Variants in MTF1 observed in about 807,000 individuals in gnomAD.
The protein encoded by MTF1 is metal regulatory transcription factor 1.
MTF1 carries 22 observed loss-of-function variants against 70.4 expected under a neutral mutation model. The ratio of observed to expected loss-of-function variants is 0.31; its 90% CI spans 0.22 to 0.45. MTF1 has a LOEUF of 0.45. Among genes scored for constraint, MTF1 ranks in the 20% least tolerant of loss-of-function variants. The probability of loss-of-function intolerance (pLI) is 1.00; values close to 1 mark genes in which losing one functional copy is unlikely to be tolerated. For synonymous variants in MTF1, 333 were observed against 352.8 expected, an observed-to-expected ratio of 0.94 and a Z score of 0.63; for missense variants, 649 against 922.0, an observed-to-expected ratio of 0.70 and a Z score of 3.83.
intron 2 of MTF1, among the ~76,000 whole-genome samples, chr1:37,855,405 G>C (rs941508186): frequency 1.3e-5 from 2 of 152,168 alleles, no homozygotes; most frequent in African/African-American, 4.8e-5. Context: ...ATGTCTTCAA[G>C]CAGAAACAAG....
chr1:37,852,808 T>G (rs2148422540), intron 2 of MTF1, among the ~76,000 whole-genome samples: 1 of 152,210 alleles, frequency 6.6e-6, no homozygotes, highest in Middle Eastern at 3.4e-3. Flanking sequence ...TTTTTGTATT[T>G]TTAGTAGAGA....
Position 37,814,912 on chromosome 1 carries a change from A to G in MTF1, c.*224T>C. ...CAGTGCAGCCAAACAGTTCACTTAT[A>G]ACTTAGCTTTTTTTGTTGTTTTTTT... On this transcript the variant is annotated 3_prime_UTR_variant, in exon 11 of 11. Transcript: ENST00000373036. The G allele has an allele frequency of 1.9e-6, 1 of 533,188 alleles. No homozygotes were observed. The highest frequency in any genetic ancestry group is 3.3e-6 in the Non-Finnish European group (1 of 301,052). The allele number at this position is 533,188 out of a possible 1,614,324, so 33.0% of individuals were successfully genotyped here.
Position 37,822,490 on chromosome 1 carries a change from T to C in MTF1, c.1398A>G (p.Gln466=), listed in dbSNP as rs1192414176. 2 of 1,613,654 alleles carry C rather than the reference T, an allele frequency of 1.2e-6. No individual in the cohort carries two copies. The highest frequency in any genetic ancestry group is 1.7e-6 in the Non-Finnish European group (2 of 1,179,954). ...TGTGGGGAACAGGCACTTCTGGAGG[T>C]TGTAAGAGAGCAGGGGGGTTGCCAA... ...AAFGNPPALL[Q]PPEVPVPHST... is the part of the protein sequence containing the mutation. The change falls in exon 9 of 11, where the codon CAA becomes CAG. Residue 466 remains glutamine, a synonymous_variant. Coordinates refer to ENST00000373036, the MANE Select transcript of MTF1 (RefSeq NM_005955.3).
chr1:37,812,370 C>G lies in MTF1; in HGVS notation c.*2766G>C, dbSNP rs1316137993. The G allele has an allele frequency of 1.3e-5, 2 of 152,282 alleles. No homozygotes were observed. The highest frequency in any genetic ancestry group is 4.8e-5 in the African/African-American group (2 of 41,450). The allele number at this position is 152,282 out of a possible 1,614,324, so 9.4% of individuals were successfully genotyped here. A position where few individuals can be genotyped will look rare whatever the true frequency, so the allele number is the denominator to read the frequency against. On this transcript the variant is annotated 3_prime_UTR_variant, in exon 11 of 11. Coordinates refer to ENST00000373036, the MANE Select transcript of MTF1 (RefSeq NM_005955.3). ...AAGACTGCCTATCCTGGGAAATAAA[C>G]CTGATCTTCACAACCACTCACTGGC...
intron 2 of MTF1, among the ~76,000 whole-genome samples, chr1:37,842,234 C>T (rs75933803): frequency 0.041 from 6,245 of 152,016 alleles, 166 homozygotes; most frequent in Admixed American, 0.066. Flanking sequence ...CACCACTAGA[C>T]TCCAGCCTAG....
In MTF1 at chr1:37,817,463, T is replaced by G; in HGVS notation, c.1787A>C (p.Glu596Ala). ...QEQIQQASKV[E>A]KVFFTTAVPV... Reference sequence around the variant, plus strand: ...TACTGCAGTGGTAAAAAACACCTTCTCAACTTTAGATGCTTGCTGCTGAAA... The same window carrying G: ...TACTGCAGTGGTAAAAAACACCTTCGCAACTTTAGATGCTTGCTGCTGAAA... The change falls in exon 10 of 11, where the codon GAG becomes GCG. Residue 596 changes from glutamate (E) to alanine (A), a missense_variant. By Grantham distance (107) the Glu-to-Ala change is moderately radical (BLOSUM62 -1). Coordinates refer to ENST00000373036, the MANE Select transcript of MTF1 (RefSeq NM_005955.3). 1 of 1,612,312 alleles carries G rather than the reference T, an allele frequency of 6.2e-7. No individual in the cohort carries two copies. Among genetic ancestry groups the G allele is most frequent in the Non-Finnish European group, 8.5e-7 (1 of 1,178,352 alleles).
At position 37,822,403 on chromosome 1, in the gene MTF1, A is replaced by G. The variant is rs1640924053; in HGVS notation, c.1485T>C (p.Ile495=). ...CAGCAACAACAGAAAGTCCTGGTAC[A>G]ATGGGCTGCGGTGCCTGGGGGTGCG... ...FLPHPQAPQP[I]VPGLSVVAGA... is the part of the protein sequence containing the mutation. Residue 495 remains isoleucine, a synonymous_variant, in exon 9 of 11, where the codon ATT becomes ATC. Transcript: ENST00000373036. The G allele has an allele frequency of 2.5e-6, 4 of 1,614,166 alleles. No individual in the cohort carries two copies. The highest frequency in any genetic ancestry group is 3.4e-6 in the Non-Finnish European group (4 of 1,180,028).
chr1:37,855,665 T>C (rs548197432), intron 2 of MTF1, among the ~76,000 whole-genome samples: 10 of 152,276 alleles, frequency 6.6e-5, no homozygotes, highest in African/African-American at 2.4e-4. Context: ...CCTGTAATAG[T>C]TCCTGGATGG....
rs762016303 is a variant in MTF1, at chr1:37,822,679, T to A, written c.1209A>T (p.Ser403=). ...LTESFNGDAE[S]VSDVPPSTGN... ...CTGTGGATGGCGGAACATCACTGAC[T>A]GACTCTGCATCACCATTAAAACTTT... The change falls in exon 9 of 11, where the codon TCA becomes TCT. Residue 403 remains serine (S), a synonymous_variant. Transcript: ENST00000373036. The A allele has an allele frequency of 6.2e-7, 1 of 1,613,352 alleles. No individual in the cohort carries two copies. Among genetic ancestry groups the A allele is most frequent in the Non-Finnish European group, 8.5e-7 (1 of 1,179,848 alleles).
At chr1:37,828,002 TG>T in intron 7 of MTF1, among the ~76,000 whole-genome samples, 1 of 152,164 alleles carries the variant, frequency 6.6e-6, no homozygotes, top group Non-Finnish European at 1.5e-5. Flanking sequence ...GAACAAATAT[TG>T]GTATATTCAT....
Position 37,814,930 on chromosome 1 carries a change from G to GTT in MTF1, c.*204_*205dup, listed in dbSNP as rs572286933. On this transcript the variant is annotated 3_prime_UTR_variant, in exon 11 of 11. Transcript: ENST00000373036. ...CACTTATAACTTAGCTTTTTTTGTT[G>GTT]TTTTTTTTGTTTTTTGTTTTTTTCC... is the stretch of plus-strand genomic sequence containing the variant. The GTT allele has an allele frequency of 1.8e-6, 1 of 553,918 alleles. No individual in the cohort carries two copies. Among genetic ancestry groups the GTT allele is most frequent in the Admixed American group, 3.3e-5 (1 of 29,954 alleles). 34.3% of individuals were successfully genotyped at this position (553,918 alleles called of 1,614,324 possible).
chr1:37,837,555 G>A (rs1641188710), intron 4 of MTF1, among the ~76,000 whole-genome samples: 1 of 151,264 alleles, frequency 6.6e-6, no homozygotes, highest in African/African-American at 2.4e-5. Context: ...ATCTAGGCTG[G>A]AGTGCAATGG....
chr1:37,836,003 T>C (rs1469150793), intron 4 of MTF1, among the ~76,000 whole-genome samples: 1 of 152,146 alleles, frequency 6.6e-6, no homozygotes, highest in Non-Finnish European at 1.5e-5. Context: ...GGTTTCACCA[T>C]GTTAGCCAGG....
chr1:37,857,199 G>T lies in MTF1; in HGVS notation c.408+52C>A, dbSNP rs903761325. ...AGCTAAAATTTGCACCAAGAATTTT[G>T]TAAGGACTTGCCCCAAAACCAAACT... On this transcript the variant is annotated intron_variant, in intron 2 of 10. Coordinates refer to ENST00000373036, the MANE Select transcript of MTF1 (RefSeq NM_005955.3). 4 of 1,557,896 alleles carry T rather than the reference G, an allele frequency of 2.6e-6. No individual in the cohort carries two copies. In the East Asian group the frequency reaches 6.8e-5, roughly 26 times the overall value.
At chr1:37,827,669 G>T (rs568247391) in intron 7 of MTF1, among the ~76,000 whole-genome samples, 1 of 152,102 alleles carries the variant, frequency 6.6e-6, no homozygotes, top group Non-Finnish European at 1.5e-5. Flanking sequence ...GCCTCCCAAA[G>T]TGCTGGGATT....
At chr1:37,820,000 C>CATGTT in intron 9 of MTF1, among the ~76,000 whole-genome samples, 1 of 137,648 alleles carries the variant, frequency 7.3e-6, no homozygotes, top group South Asian at 2.3e-4. Context: ...AAGTGAGACC[C>CATGTT]TAAATATCTG....
At chr1:37,838,782 CTT>C (rs766373668) in intron 3 of MTF1, 26 bp from the exon 4 acceptor site, 1 of 729,156 alleles carries the variant, frequency 1.4e-6, no homozygotes, top group Non-Finnish European at 2.0e-6. Context: ...GAAAAATTCC[CTT>C]TGTCATAAAA....
At chr1:37,816,152 T>C (rs1461668327) in intron 10 of MTF1, among the ~76,000 whole-genome samples, 1 of 152,214 alleles carries the variant, frequency 6.6e-6, no homozygotes, top group Non-Finnish European at 1.5e-5. Context: ...CTTTAGGACA[T>C]CTTACTCATC....
chr1:37,827,961 T>C (rs149681121), intron 7 of MTF1, among the ~76,000 whole-genome samples: 1 of 152,256 alleles, frequency 6.6e-6, no homozygotes, highest in East Asian at 1.9e-4. Flanking sequence ...GGCTCCAAAC[T>C]GGAAACTATC....
Sources: gnomAD v4.1 joint callset for allele counts (sites outside exome capture counted in the v4.1 genomes callset) on GRCh38, gnomAD v4.1.1 for gene constraint, MANE v1.5 for transcripts, NCBI Gene and HGNC (gene_info 2026-07-23, HGNC 2026-07-21) for gene names.